The following TTC29 variants were observed in gnomAD, a reference collection of about 807,000 sequenced individuals.
TTC29 encodes tetratricopeptide repeat domain 29.
A neutral mutation model predicts 58.1 loss-of-function variants in TTC29; 49 were observed. The observed-to-expected ratio is 0.84, with a 90% CI of 0.67 to 1.07. The LOEUF is 1.07. TTC29 is among the 50% of genes least tolerant of loss of function. TTC29 has a pLI of 0.00. For missense variants in TTC29, 582 were observed against 555.6 expected (o/e 1.05, Z -0.48); for synonymous variants, 209 against 196.8 (o/e 1.06, Z -0.52).
At chr4:146,939,699 T>G in intron 3 of TTC29, 105 bp downstream of exon 3, 1 of 1,088,514 alleles carries the variant, frequency 9.2e-7, no homozygotes, top group Middle Eastern at 2.8e-4. Flanking sequence ...CAAGGCATTT[T>G]TCTCTTCTCT....
At chr4:146,776,945 G>A (rs963521667) in intron 11 of TTC29, among the ~76,000 whole-genome samples, 4 of 152,176 alleles carry the variant, frequency 2.6e-5, no homozygotes, top group African/African-American at 9.7e-5. Context: ...TACTGGTGAC[G>A]GAATTGGAAC....
intron 8 of TTC29, among the ~76,000 whole-genome samples, chr4:146,839,539 T>C (rs1336544001): frequency 1.4e-5 from 2 of 141,228 alleles, no homozygotes; most frequent in Non-Finnish European, 3.1e-5. Flanking sequence ...TGAACTCGTG[T>C]GTGTGTGTGT....
intron 10 of TTC29, among the ~76,000 whole-genome samples, chr4:146,817,546 T>A (rs1302463176): frequency 2.6e-5 from 4 of 152,218 alleles, no homozygotes; most frequent in Non-Finnish European, 5.9e-5. Flanking sequence ...CCCATCAAGC[T>A]ACCAATGACT....
intron 4 of TTC29, among the ~76,000 whole-genome samples, chr4:146,917,769 T>C (rs1313464563): frequency 6.8e-6 from 1 of 147,160 alleles, no homozygotes; most frequent in Non-Finnish European, 1.5e-5. Context: ...TTGTAAAGAG[T>C]CACATAACAT....
intron 11 of TTC29, among the ~76,000 whole-genome samples, chr4:146,796,311 A>G (rs1749830634): frequency 6.6e-6 from 1 of 152,178 alleles, no homozygotes; most frequent in African/African-American, 2.4e-5. Context: ...ACTTAAAAGC[A>G]TAAGAATTTT....
intron 3 of TTC29, among the ~76,000 whole-genome samples, chr4:146,938,753 GC>G (rs1236945865): frequency 6.6e-6 from 1 of 152,116 alleles, no homozygotes; most frequent in Non-Finnish European, 1.5e-5. Context: ...TAAAAATGAG[GC>G]ATGAGAACAA....
Position 146,903,708 on chromosome 4 carries a change from T to C in TTC29, c.422A>G (p.Asn141Ser). Reference protein sequence around the residue: ...ERKESFEDVHNNLYALACYFN... With the variant: ...ERKESFEDVHSNLYALACYFN... ...GTAACAGGCCAGAGCATACAAGTTA[T>C]TATGTACATCTTCGAAGGATTCTTC... The change falls in exon 6 of 13, where the codon AAT becomes AGT. Residue 141 changes from asparagine (N) to serine (S), a missense_variant. By Grantham distance (46) the Asn-to-Ser change is conservative (BLOSUM62 1). Coordinates refer to ENST00000325106, the MANE Select transcript of TTC29 (RefSeq NM_031956.4). 1 of 1,601,144 alleles carries C rather than the reference T, an allele frequency of 6.2e-7. No individual in the cohort carries two copies. The highest frequency in any genetic ancestry group is 8.5e-7 in the Non-Finnish European group (1 of 1,174,562).
intron 11 of TTC29, among the ~76,000 whole-genome samples, chr4:146,788,431 G>C (rs1392581176): frequency 1.3e-5 from 2 of 152,150 alleles, no homozygotes; most frequent in African/African-American, 4.8e-5. Context: ...ATAACATCAG[G>C]TCTTAAGCCC....
chr4:146,907,667 T>C (rs1249213972), intron 5 of TTC29, among the ~76,000 whole-genome samples: 1 of 152,054 alleles, frequency 6.6e-6, no homozygotes, highest in Non-Finnish European at 1.5e-5. Flanking sequence ...CCGGCTAATT[T>C]TTTTGTATTT....
chr4:146,831,108 T>C (rs1728128265), intron 9 of TTC29, among the ~76,000 whole-genome samples: 1 of 152,214 alleles, frequency 6.6e-6, no homozygotes, highest in African/African-American at 2.4e-5. Flanking sequence ...AAGCTGGTTG[T>C]AGCCTTGGGA....
chr4:146,837,777 G>C (rs1728606563), intron 8 of TTC29, among the ~76,000 whole-genome samples: 1 of 151,928 alleles, frequency 6.6e-6, no homozygotes, highest in Non-Finnish European at 1.5e-5. Flanking sequence ...TCGCAAATCA[G>C]AGATAGGCAA....
chr4:146,736,147 T>G (rs1744693755), intron 11 of TTC29, among the ~76,000 whole-genome samples: 3 of 151,944 alleles, frequency 2.0e-5, no homozygotes, highest in Non-Finnish European at 4.4e-5. Flanking sequence ...TGAAATTGCC[T>G]GGAACGATAG....
intron 8 of TTC29, among the ~76,000 whole-genome samples, chr4:146,856,990 A>G (rs2150192453): frequency 6.6e-6 from 1 of 152,088 alleles, no homozygotes; most frequent in African/African-American, 2.4e-5. Context: ...AAACTACCTA[A>G]AATGCTGTTT....
intron 11 of TTC29, among the ~76,000 whole-genome samples, chr4:146,752,225 G>A (rs1443239635): frequency 6.6e-6 from 1 of 151,322 alleles, no homozygotes; most frequent in African/African-American, 2.4e-5. Context: ...AAAGTCTCAG[G>A]ATACAAAATC....
intron 11 of TTC29, among the ~76,000 whole-genome samples, chr4:146,780,554 T>C (rs938178158): frequency 2.6e-5 from 4 of 152,032 alleles, no homozygotes; most frequent in African/African-American, 9.7e-5. Context: ...ATGTATATAG[T>C]GGAGAATATC....
chr4:146,775,016 T>G (rs1299483874), intron 11 of TTC29, among the ~76,000 whole-genome samples: 2 of 152,192 alleles, frequency 1.3e-5, no homozygotes, highest in East Asian at 3.8e-4. Flanking sequence ...CTTGTCTTTT[T>G]TGATCATTGT....
At position 146,817,283 on chromosome 4, in the gene TTC29, G is replaced by A. The variant is rs561350449; in HGVS notation, c.1101+2842C>T. 4.1e-4 allele frequency among the ~76,000 whole-genome samples: 63 copies of A among 152,070 alleles called. 2 individuals carry two copies. The South Asian group carries it at 0.012, about 30-fold the overall frequency. ...AAAAATCACAAGCATTCTTATACAC[G>A]AATAACAGACAAACAGAGAGCCAAA... On this transcript the variant is annotated intron_variant, in intron 10 of 12. Coordinates refer to ENST00000325106, the MANE Select transcript of TTC29 (RefSeq NM_031956.4).
Position 146,747,648 on chromosome 4 carries a change from G to A in TTC29, c.1331-40097C>T, listed in dbSNP as rs758213765. Among the ~76,000 whole-genome samples, 6 of 152,158 alleles carry A rather than the reference G, an allele frequency of 3.9e-5. No homozygotes were observed. The South Asian group carries it at 6.2e-4, about 16-fold the overall frequency. ...TTGTGCCCCCAATCCTATAGCTGAC[G>A]CAGCACCCTGGGGACCTCAGGCCTC... is the stretch of plus-strand genomic sequence containing the variant. On this transcript the variant is annotated intron_variant, in intron 11 of 12. Coordinates refer to ENST00000325106, the MANE Select transcript of TTC29 (RefSeq NM_031956.4).
At chr4:146,922,920 G>C (rs1734689557) in intron 4 of TTC29, among the ~76,000 whole-genome samples, 1 of 151,876 alleles carries the variant, frequency 6.6e-6, no homozygotes, top group East Asian at 1.9e-4. Context: ...AGATTTAGAA[G>C]ACCAGTTACA....
Sources: gnomAD v4.1 joint callset for allele counts (sites outside exome capture counted in the v4.1 genomes callset) on GRCh38, gnomAD v4.1.1 for gene constraint, MANE v1.5 for transcripts, NCBI Gene and HGNC (gene_info 2026-07-23, HGNC 2026-07-21) for gene names.